Variants in RASA1 observed in about 807,000 individuals in gnomAD.
RASA1 encodes the protein RAS p21 protein activator 1.
A neutral mutation model predicts 132.2 loss-of-function variants in RASA1; 25 were observed. The observed-to-expected ratio is 0.19, with a 90% confidence interval of 0.14 to 0.26. The LOEUF (loss-of-function observed/expected upper bound fraction) is 0.26. RASA1 is among the 10% of genes least tolerant of loss of function. The pLI is 1.00. For synonymous variants in RASA1, 477 were observed against 449.9 expected (o/e 1.06, Z -0.76); for missense variants, 964 against 1,299.2 (o/e 0.74, Z 3.97).
chr5:87,278,892 G>C lies in RASA1; in HGVS notation c.539+9902G>C, dbSNP rs556470556. On this transcript the variant is annotated intron_variant, in intron 1 of 24. Coordinates refer to ENST00000274376, the MANE Select transcript of RASA1 (RefSeq NM_002890.3). ...CTCCTTCCTCTTTCCTTATTCCCTG[G>C]TAACTGCTAATTTGTTCTTTTTTTT... Among the ~76,000 whole-genome samples the C allele has an allele frequency of 4.5e-3, 637 of 142,084 alleles. 3 individuals carry two copies. The highest frequency in any genetic ancestry group is 0.016 in the African/African-American group (601 of 38,366). 93.2% of individuals were successfully genotyped at this position (142,084 alleles called of 152,430 possible).
intron 1 of RASA1, among the ~76,000 whole-genome samples, chr5:87,275,594 T>G (rs1561249265): frequency 6.6e-6 from 1 of 151,702 alleles, no homozygotes; most frequent in East Asian, 1.9e-4. Flanking sequence ...TTTTCCCCCC[T>G]GAGATGGAGT....
chr5:87,356,153 A>G (rs1759633756), intron 9 of RASA1, among the ~76,000 whole-genome samples: 1 of 152,204 alleles, frequency 6.6e-6, no homozygotes, highest in Non-Finnish European at 1.5e-5. Context: ...GAATGCTTCC[A>G]GTTTTGAAAG....
intron 8 of RASA1, among the ~76,000 whole-genome samples, chr5:87,349,579 C>G (rs1482380903): frequency 6.6e-6 from 1 of 151,804 alleles, no homozygotes. Context: ...CCTTCCAAAA[C>G]AATTTTTGTG....
In RASA1 at chr5:87,268,983, A is replaced by C. The variant is rs150804394; in HGVS notation, c.532A>C (p.Thr178Pro). 1.9e-6 allele frequency: 3 copies of C among 1,614,102 alleles called. No homozygotes were observed. Among genetic ancestry groups the C allele is most frequent in the Non-Finnish European group, 1.7e-6 (2 of 1,180,056 alleles). Residue 178 changes from threonine (T) to proline (P), a missense_variant, in exon 1 of 25, where the codon ACT (threonine) becomes CCT (proline). Coordinates refer to ENST00000274376, the MANE Select transcript of RASA1 (RefSeq NM_002890.3). ...EVAIPLTAPP[T>P]NQWYHGKLDR... Reference sequence around the variant, plus strand: ...GGCCATACCGTTGACCGCTCCTCCAACTAACCAGTAAGTTAAGACTGCTGT... The same window carrying C: ...GGCCATACCGTTGACCGCTCCTCCACCTAACCAGTAAGTTAAGACTGCTGT...
At chr5:87,354,914 C>G (rs568201891) in intron 9 of RASA1, among the ~76,000 whole-genome samples, 1 of 152,128 alleles carries the variant, frequency 6.6e-6, no homozygotes, top group African/African-American at 2.4e-5. Context: ...ATAACATTCC[C>G]TTAAGCCAAA....
intron 1 of RASA1, among the ~76,000 whole-genome samples, chr5:87,272,812 T>G (rs2112231124): frequency 6.6e-6 from 1 of 152,322 alleles, no homozygotes; most frequent in South Asian, 2.1e-4. Context: ...GGTTAAGCAA[T>G]TTTAGAGGTG....
chr5:87,326,834 T>A (rs940640998), intron 1 of RASA1, among the ~76,000 whole-genome samples: 1 of 152,204 alleles, frequency 6.6e-6, no homozygotes, highest in African/African-American at 2.4e-5. Flanking sequence ...AAAAGAGTTT[T>A]GAGAAAATTT....
intron 3 of RASA1, among the ~76,000 whole-genome samples, chr5:87,332,948 G>A (rs1757702115): frequency 6.6e-6 from 1 of 152,074 alleles, no homozygotes; most frequent in Non-Finnish European, 1.5e-5. Context: ...TGACTTTGCT[G>A]CAAGATTCTG....
intron 9 of RASA1, among the ~76,000 whole-genome samples, chr5:87,359,220 G>A (rs1335868634): frequency 6.6e-6 from 1 of 152,162 alleles, no homozygotes; most frequent in Non-Finnish European, 1.5e-5. Context: ...TGCAAGTTAA[G>A]TCTGTCTTCA....
intron 11 of RASA1, 89 bp from the exon 12 acceptor site, chr5:87,369,720 GTTAA>G (rs1760789440): frequency 1.5e-5 from 12 of 810,212 alleles, no homozygotes; most frequent in Middle Eastern, 3.5e-4. Context: ...ATAATTTTAT[GTTAA>G]TTATTTATTG....
intron 9 of RASA1, among the ~76,000 whole-genome samples, chr5:87,357,473 C>G (rs370593129): frequency 2.0e-5 from 3 of 151,988 alleles, no homozygotes; most frequent in Admixed American, 6.6e-5. Flanking sequence ...TGAATTTGTA[C>G]TTAGAATTTT....
intron 1 of RASA1, chr5:87,318,934 A>G (rs1756558282): frequency 6.6e-6 from 1 of 152,306 alleles, no homozygotes; most frequent in African/African-American, 2.4e-5. Flanking sequence ...CTTCCAAGGT[A>G]CAATGAGAGT....
intron 1 of RASA1, among the ~76,000 whole-genome samples, chr5:87,310,458 C>T (rs962728803): frequency 6.6e-6 from 1 of 151,988 alleles, no homozygotes; most frequent in African/African-American, 2.4e-5. Context: ...TTTTTGCAAT[C>T]GAGTTATCTT....
chr5:87,274,953 C>A (rs1754001982), intron 1 of RASA1, among the ~76,000 whole-genome samples: 1 of 152,194 alleles, frequency 6.6e-6, no homozygotes, highest in Non-Finnish European at 1.5e-5. Flanking sequence ...ACGGTGATGT[C>A]TGTAGTGACT....
At chr5:87,320,832 T>C (rs16902623) in intron 1 of RASA1, among the ~76,000 whole-genome samples, 10,661 of 152,264 alleles carry the variant, frequency 0.07, 845 homozygotes, top group African/African-American at 0.2. Context: ...AAGCAAAAAT[T>C]GAATGATGAC....
chr5:87,383,678 TAA>T (rs368117332), intron 20 of RASA1, 33 bp from the exon 21 acceptor site: 13,708 of 1,275,702 alleles, frequency 0.011, no homozygotes, highest in Admixed American at 0.017. Flanking sequence ...AGGTGTTTTC[TAA>T]AAAAAAAAAA....
At chr5:87,341,262 A>G in intron 5 of RASA1, 28 bp from the exon 6 acceptor site, 1 of 1,247,098 alleles carries the variant, frequency 8.0e-7, no homozygotes. Context: ...TAATTATATA[A>G]AATACTGTCT....
intron 1 of RASA1, among the ~76,000 whole-genome samples, chr5:87,320,836 T>C (rs1484851897): frequency 6.6e-6 from 1 of 152,242 alleles, no homozygotes; most frequent in East Asian, 1.9e-4. Flanking sequence ...AAAAATTGAA[T>C]GATGACTGCA....
At position 87,390,928 on chromosome 5, in the gene RASA1, T is replaced by C. The variant is rs774418681; in HGVS notation, c.*45T>C. The C allele has an allele frequency of 3.8e-5, 58 of 1,538,344 alleles. No individual in the cohort carries two copies. The highest frequency in any genetic ancestry group is 5.1e-5 in the Non-Finnish European group (57 of 1,111,496). ...CTGCATGGATTCAGCATGTCCAACA[T>C]GGTAATTCACTTCAGTTTAATGTCT... On this transcript the variant is annotated 3_prime_UTR_variant, in exon 25 of 25. Coordinates refer to ENST00000274376, the MANE Select transcript of RASA1 (RefSeq NM_002890.3).
Sources: allele counts gnomAD v4.1 joint callset (sites outside exome capture counted in the v4.1 genomes callset), GRCh38; gene constraint gnomAD v4.1.1; transcripts MANE v1.5; gene names NCBI Gene and HGNC (gene_info 2026-07-23, HGNC 2026-07-21).